Variants in MEGF11 observed in about 807,000 individuals in gnomAD.
MEGF11 encodes the protein multiple EGF like domains 11.
Under a neutral mutation model 146.6 loss-of-function variants are expected in MEGF11, and 126 were observed. The observed-to-expected ratio is 0.86, with a 90% confidence interval of 0.74 to 1.00. The LOEUF (loss-of-function observed/expected upper bound fraction) is 1.00, where lower values mean the gene tolerates loss of function less well. Among genes scored for constraint, MEGF11 ranks in the 50% least tolerant of loss-of-function variants. The pLI is 0.00. For missense variants in MEGF11, 1,509 were observed against 1,521.2 expected (o/e 0.99, Z 0.13); for synonymous variants, 532 against 583.4 (o/e 0.91, Z 1.27).
At chr15:66,013,663 T>C (rs1044105891) in intron 5 of MEGF11, among the ~76,000 whole-genome samples, 3 of 152,066 alleles carry the variant, frequency 2.0e-5, no homozygotes, top group Non-Finnish European at 4.4e-5. Flanking sequence ...TCATGATTCT[T>C]TTGAAGGAGA....
intron 1 of MEGF11, among the ~76,000 whole-genome samples, chr15:66,245,841 T>C (rs1393209990): frequency 6.6e-6 from 1 of 152,018 alleles, no homozygotes; most frequent in Non-Finnish European, 1.5e-5. Flanking sequence ...CCCATACACC[T>C]ATGCACTATG....
chr15:65,907,021 C>T (rs2078649763), intron 23 of MEGF11, among the ~76,000 whole-genome samples: 1 of 152,182 alleles, frequency 6.6e-6, no homozygotes. Flanking sequence ...AGTAATGACT[C>T]TGGCTCAAAG....
At chr15:66,161,919 C>A (rs369002828) in intron 1 of MEGF11, among the ~76,000 whole-genome samples, 2 of 152,300 alleles carry the variant, frequency 1.3e-5, no homozygotes. Flanking sequence ...TGCATCATGA[C>A]CCACTACCCA....
intron 1 of MEGF11, among the ~76,000 whole-genome samples, chr15:66,132,391 C>A (rs1394559442): frequency 6.6e-6 from 1 of 152,260 alleles, no homozygotes; most frequent in African/African-American, 2.4e-5. Context: ...TGCTTCACTT[C>A]CACCACTGGC....
chr15:65,954,591 G>T (rs2080515139), intron 10 of MEGF11, among the ~76,000 whole-genome samples: 1 of 152,222 alleles, frequency 6.6e-6, no homozygotes, highest in South Asian at 2.1e-4. Flanking sequence ...GGTCTCACCA[G>T]GGCAGCTTGA....
Position 65,918,086 on chromosome 15 carries a change from C to T in MEGF11, c.1966G>A (p.Gly656Arg), listed in dbSNP as rs2079060789. 3.1e-6 allele frequency: 5 copies of T among 1,613,910 alleles called. No individual in the cohort carries two copies. The highest frequency in any genetic ancestry group is 4.2e-6 in the Non-Finnish European group (5 of 1,179,884). Residue 656 changes from glycine to arginine, a missense_variant, in exon 16 of 26, where the codon GGA (glycine) becomes AGA (arginine). Transcript: ENST00000395614. ...SGALCNQVCA[G>R]GYFGQDCAQL... The stretch of plus-strand genomic sequence containing the variant: ...GCACAGTCCTGCCCAAAGTATCCTC[C>T]AGCACACACTGTGGGCACAGGGCAG...
intron 7 of MEGF11, 27 bp downstream of exon 7, chr15:65,980,751 C>T (rs754005394): frequency 1.9e-6 from 3 of 1,571,744 alleles, no homozygotes; most frequent in Non-Finnish European, 2.6e-6. Flanking sequence ...CTCCAGTGCC[C>T]CACCCAGATC....
intron 10 of MEGF11, among the ~76,000 whole-genome samples, chr15:65,956,562 C>CA (rs1339613149): frequency 2.0e-5 from 3 of 152,188 alleles, no homozygotes; most frequent in Non-Finnish European, 4.4e-5. Flanking sequence ...CCAAAGGCCA[C>CA]ACTCTTTCAA....
At chr15:66,068,509 T>C (rs1190701228) in intron 5 of MEGF11, among the ~76,000 whole-genome samples, 2 of 152,222 alleles carry the variant, frequency 1.3e-5, no homozygotes, top group East Asian at 3.8e-4. Flanking sequence ...TAGTACCTAA[T>C]TTGAAAAATG....
At chr15:65,924,338 G>C (rs2079285462) in intron 13 of MEGF11, among the ~76,000 whole-genome samples, 1 of 145,692 alleles carries the variant, frequency 6.9e-6, no homozygotes, top group African/African-American at 2.5e-5. Context: ...GCCACTCTCT[G>C]GGAAATGGTT....
chr15:66,091,641 A>G (rs1343496309), intron 5 of MEGF11, among the ~76,000 whole-genome samples: 1 of 152,212 alleles, frequency 6.6e-6, no homozygotes, highest in Non-Finnish European at 1.5e-5. Context: ...TTCCCATACT[A>G]TAAGTTTGTT....
chr15:66,163,910 T>C (rs899084), intron 1 of MEGF11, among the ~76,000 whole-genome samples: 148,833 of 152,292 alleles, frequency 0.98, 72,736 homozygotes, highest in East Asian at 1. Flanking sequence ...TTAATTCCAG[T>C]GATGTGGGTG....
chr15:65,974,302 A>G (rs1378125524), intron 7 of MEGF11, among the ~76,000 whole-genome samples: 1 of 151,834 alleles, frequency 6.6e-6, no homozygotes, highest in African/African-American at 2.4e-5. Flanking sequence ...GGGAGGGAGG[A>G]GTGAAGGGCA....
chr15:66,055,491 C>G (rs574463021), intron 5 of MEGF11, among the ~76,000 whole-genome samples: 9 of 152,324 alleles, frequency 5.9e-5, no homozygotes, highest in Non-Finnish European at 1.3e-4. Context: ...GTGCCTCGTT[C>G]GGTAGCGTGT....
rs565062691 is a variant in MEGF11 at position 66,167,339 on chromosome 15, A to G, written c.-8-38928T>C. On this transcript the variant is annotated intron_variant, in intron 1 of 25. Transcript: ENST00000395614. ...CCCTTCTGCTGCTTCATTTTTATAC[A>G]GCTAAAGAAGGCCCATGGATGGCTG... 3.3e-5 allele frequency among the ~76,000 whole-genome samples: 5 copies of G among 152,162 alleles called. No individual in the cohort carries two copies. In the South Asian group the frequency reaches 1.0e-3, roughly 31 times the overall value.
intron 1 of MEGF11, among the ~76,000 whole-genome samples, chr15:66,180,742 T>G (rs2090522945): frequency 1.3e-5 from 2 of 152,206 alleles, no homozygotes; most frequent in Admixed American, 6.5e-5. Context: ...CTGAGTTTAT[T>G]TGGAAAATTA....
At chr15:66,159,144 A>G (rs1465873361) in intron 1 of MEGF11, among the ~76,000 whole-genome samples, 2 of 152,292 alleles carry the variant, frequency 1.3e-5, no homozygotes, top group South Asian at 4.2e-4. Flanking sequence ...TTTGATTTCA[A>G]ACAATTGTCT....
At chr15:66,110,546 A>G (rs1215354653) in intron 4 of MEGF11, among the ~76,000 whole-genome samples, 2 of 152,154 alleles carry the variant, frequency 1.3e-5, no homozygotes, top group African/African-American at 2.4e-5. Flanking sequence ...CCGCTAGACC[A>G]TGTGCTTCTT....
chr15:66,156,747 G>A lies in MEGF11; in HGVS notation c.-8-28336C>T, dbSNP rs138419622. Among the ~76,000 whole-genome samples the A allele has an allele frequency of 2.4e-4, 36 of 152,298 alleles. No homozygotes were observed. The East Asian group carries it at 6.9e-3, about 29-fold the overall frequency. The stretch of plus-strand genomic sequence containing the variant: ...TCCTCCCTAGTCTGGTGAACTCACA[G>A]CTGCACCATCTCTGGGTGGACCTAT... On this transcript the variant is annotated intron_variant, in intron 1 of 25. Coordinates refer to ENST00000395614, the MANE Select transcript of MEGF11 (RefSeq NM_001385028.1).
Sources: gnomAD v4.1 joint callset for allele counts (sites outside exome capture counted in the v4.1 genomes callset) on GRCh38, gnomAD v4.1.1 for gene constraint, MANE v1.5 for transcripts, NCBI Gene and HGNC (gene_info 2026-07-23, HGNC 2026-07-21) for gene names.